The following TMEM132D variants were observed in gnomAD, a reference collection of about 807,000 sequenced individuals.
TMEM132D encodes mature OL transmembrane protein.
TMEM132D carries 21 observed loss-of-function variants against 62.3 expected under a neutral mutation model. The observed-to-expected ratio is 0.34, with a 90% CI of 0.24 to 0.49. The LOEUF is 0.49. TMEM132D is among the 20% of genes least tolerant of loss of function. The pLI is 0.99. For missense variants in TMEM132D, 1,346 were observed against 1,402.8 expected (o/e 0.96, Z 0.65); for synonymous variants, 621 against 575.6 (o/e 1.08, Z -1.13).
intron 4 of TMEM132D, among the ~76,000 whole-genome samples, chr12:129,245,541 T>C (rs1047813889): frequency 4.0e-5 from 6 of 150,476 alleles, no homozygotes; most frequent in African/African-American, 1.5e-4. Context: ...ATATTCTTTT[T>C]ATTATATTAG....
chr12:129,094,597 G>A (rs907100102), intron 5 of TMEM132D, among the ~76,000 whole-genome samples: 3 of 152,214 alleles, frequency 2.0e-5, no homozygotes, highest in Non-Finnish European at 4.4e-5. Context: ...CTGTAAACTA[G>A]TTCAACCATT....
rs966031007 is a variant in TMEM132D at position 129,779,841 on chromosome 12, C to T, written c.80-79143G>A. Among the ~76,000 whole-genome samples, 7 of 152,152 alleles carry T rather than the reference C, an allele frequency of 4.6e-5. No individual in the cohort carries two copies. Among genetic ancestry groups the T allele is most frequent in the African/African-American group, 1.7e-4 (7 of 41,442 alleles). On this transcript the variant is annotated intron_variant, in intron 1 of 8. Transcript: ENST00000422113. This position sits in a 1 kb window ranked among gnomAD's most constrained non-coding sequence, Gnocchi z 4.1. ...CTTGGGGAAGACAGAGAGAAATGAA[C>T]TGAGCTGCGAGGACAATAATTAAAA...
chr12:129,173,067 T>G (rs937565623), intron 5 of TMEM132D, among the ~76,000 whole-genome samples: 2 of 152,182 alleles, frequency 1.3e-5, no homozygotes, highest in African/African-American at 4.8e-5. Context: ...TGATTGCAGA[T>G]CACCATAACA....
chr12:129,831,581 G>C (rs1238822765), intron 1 of TMEM132D, among the ~76,000 whole-genome samples: 3 of 152,186 alleles, frequency 2.0e-5, no homozygotes, highest in Non-Finnish European at 2.9e-5. Context: ...GAATGCTTTA[G>C]ACCATGACCT....
At chr12:129,304,836 G>C (rs1273978006) in intron 4 of TMEM132D, among the ~76,000 whole-genome samples, 1 of 151,960 alleles carries the variant, frequency 6.6e-6, no homozygotes, top group Non-Finnish European at 1.5e-5. Context: ...GCTAATTTTT[G>C]TGTTTTTAGT....
chr12:129,073,238 G>GTAT lies in TMEM132D; in HGVS notation c.*634_*636dup, dbSNP rs1367316490. 3 of 152,302 alleles carry GTAT rather than the reference G, an allele frequency of 2.0e-5. No homozygotes were observed. Among genetic ancestry groups the GTAT allele is most frequent in the African/African-American group, 7.2e-5 (3 of 41,432 alleles). 9.4% of individuals were successfully genotyped at this position (152,302 alleles called of 1,614,324 possible). On this transcript the variant is annotated 3_prime_UTR_variant, in exon 9 of 9. Transcript: ENST00000422113. ...TTGTCCTTGGCATGTAGTTACAAAG[G>GTAT]TATTTGTGGCCTGTTAGCCCACATG...
intron 4 of TMEM132D, among the ~76,000 whole-genome samples, chr12:129,328,407 T>C (rs1183745544): frequency 2.0e-5 from 3 of 152,194 alleles, no homozygotes; most frequent in African/African-American, 4.8e-5. Flanking sequence ...TGTTCACTGA[T>C]AGCAACTGGT....
intron 1 of TMEM132D, among the ~76,000 whole-genome samples, chr12:129,760,013 C>G (rs1027196426): frequency 1.3e-5 from 2 of 152,034 alleles, no homozygotes; most frequent in African/African-American, 4.8e-5. Context: ...TCAAGCAATC[C>G]TCTGCCTCAG....
intron 3 of TMEM132D, among the ~76,000 whole-genome samples, chr12:129,482,494 GA>G (rs559553420): frequency 1.3e-5 from 2 of 152,100 alleles, no homozygotes; most frequent in African/African-American, 4.8e-5. Flanking sequence ...TAGAAGCGTA[GA>G]AAAAAATGGA....
rs372535592 is a variant in TMEM132D, at chr12:129,073,601, C to A, written c.*274G>T. 1 of 356,848 alleles carries A rather than the reference C, an allele frequency of 2.8e-6. No homozygotes were observed. Among genetic ancestry groups the A allele is most frequent in the South Asian group, 1.1e-4 (1 of 9,120 alleles). 22.1% of individuals were successfully genotyped at this position (356,848 alleles called of 1,614,324 possible). A position where few individuals can be genotyped will look rare whatever the true frequency, so the allele number is the denominator to read the frequency against. ...CTGTTCTTTCCTGGACGCTCTCAGA[C>A]GCTCAGTGATTCAGAACTCGTTTTT... On this transcript the variant is annotated 3_prime_UTR_variant, in exon 9 of 9. Transcript: ENST00000422113.
chr12:129,747,205 T>TCCTCCCGCTCCTTCTCCCTCCTCCC (rs1869820603), intron 1 of TMEM132D, among the ~76,000 whole-genome samples: 3 of 19,178 alleles, frequency 1.6e-4, no homozygotes, highest in African/African-American at 2.3e-4. Flanking sequence ...CTCTCCTTCT[T>TCCTCCCGCTCCTTCTCCCTCCTCCC]ACTCCTCCTT....
Position 129,801,793 on chromosome 12 carries a change from A to C in TMEM132D, c.80-101095T>G, listed in dbSNP as rs1231582694. Among the ~76,000 whole-genome samples the C allele has an allele frequency of 2.2e-3, 328 of 148,084 alleles. 1 individual carries two copies. The highest frequency in any genetic ancestry group is 3.8e-3 in the Non-Finnish European group (249 of 66,376). On this transcript the variant is annotated intron_variant, in intron 1 of 8. Coordinates refer to ENST00000422113, the MANE Select transcript of TMEM132D (RefSeq NM_133448.3). ...GCAAAGAAGTTGAAAACTTTGAAAA[A>C]AATTTAGAAGAATGTATAACTAGAA... is the stretch of plus-strand genomic sequence containing the variant.
chr12:129,716,462 T>A (rs1312903946), intron 1 of TMEM132D, among the ~76,000 whole-genome samples: 1 of 152,190 alleles, frequency 6.6e-6, no homozygotes, highest in Non-Finnish European at 1.5e-5. Flanking sequence ...AACATGCGTC[T>A]CTTTGGAAAC....
intron 5 of TMEM132D, among the ~76,000 whole-genome samples, chr12:129,099,187 A>C (rs1383266076): frequency 6.6e-6 from 1 of 152,110 alleles, no homozygotes; most frequent in Non-Finnish European, 1.5e-5. Context: ...CCCCTCTAAA[A>C]TCATCCACAT....
chr12:129,205,022 G>C (rs1878804033), intron 5 of TMEM132D, among the ~76,000 whole-genome samples: 1 of 152,170 alleles, frequency 6.6e-6, no homozygotes, highest in African/African-American at 2.4e-5. Flanking sequence ...GTCCTGAAAG[G>C]AGCACTAAAT....
At chr12:129,636,137 G>A (rs887919967) in intron 2 of TMEM132D, among the ~76,000 whole-genome samples, 4 of 152,138 alleles carry the variant, frequency 2.6e-5, no homozygotes, top group African/African-American at 9.7e-5. Flanking sequence ...GGCAATAGAT[G>A]GCAAATATTT....
chr12:129,844,919 G>A (rs576079057), intron 1 of TMEM132D, among the ~76,000 whole-genome samples: 1 of 152,208 alleles, frequency 6.6e-6, no homozygotes, highest in East Asian at 1.9e-4. Context: ...AGACAGGAGG[G>A]ATTTCAAAAC....
Position 129,330,248 on chromosome 12 carries a change from C to G in TMEM132D, c.1299+7386G>C, listed in dbSNP as rs190629871. On this transcript the variant is annotated intron_variant, in intron 4 of 8. Coordinates refer to ENST00000422113, the MANE Select transcript of TMEM132D (RefSeq NM_133448.3). ...TGTAGTTACCTGGGTTATGGAGTCCCCTACTCATGCTAATGAGAAAACAGC... is the reference window on the plus strand; with the variant it reads ...TGTAGTTACCTGGGTTATGGAGTCCGCTACTCATGCTAATGAGAAAACAGC... 4.6e-5 allele frequency among the ~76,000 whole-genome samples: 7 copies of G among 152,232 alleles called. No homozygotes were observed. In the East Asian group the frequency reaches 1.2e-3, roughly 25 times the overall value.
At chr12:129,149,779 G>A (rs1877019286) in intron 5 of TMEM132D, among the ~76,000 whole-genome samples, 1 of 152,210 alleles carries the variant, frequency 6.6e-6, no homozygotes, top group Non-Finnish European at 1.5e-5. Context: ...GCCAACCACA[G>A]TGGGTGGTCA....
Sources: allele counts gnomAD v4.1 joint callset (sites outside exome capture counted in the v4.1 genomes callset), GRCh38; gene constraint gnomAD v4.1.1; non-coding constraint Gnocchi (gnomAD v3.1); transcripts MANE v1.5; gene names NCBI Gene and HGNC (gene_info 2026-07-23, HGNC 2026-07-21).